Variants in RUVBL1 observed in about 807,000 individuals in gnomAD.
RUVBL1 encodes the protein ruvB-like 1.
RUVBL1 carries 4 observed loss-of-function variants against 52.4 expected under a neutral mutation model. That is an observed-to-expected ratio of 0.08 (90% CI 0.04 to 0.17). RUVBL1 has a LOEUF of 0.17. Ranked by LOEUF, RUVBL1 falls within the 10% of genes least tolerant of loss-of-function variation. RUVBL1 has a pLI of 1.00. For synonymous variants in RUVBL1, 217 were observed against 214.4 expected, an observed-to-expected ratio of 1.01 and a Z score of -0.10; for missense variants, 298 against 572.8, an observed-to-expected ratio of 0.52 and a Z score of 4.90.
At chr3:128,128,543 C>A (rs1379106768), upstream of RUVBL1, among the ~76,000 whole-genome samples, 1 of 152,250 alleles carries the variant, frequency 6.6e-6, no homozygotes, top group African/African-American at 2.4e-5. Context: ...TGAATTTGCA[C>A]CAACTAGAAG....
In RUVBL1 at chr3:128,100,724, G is replaced by A; in HGVS notation, c.624C>T (p.Thr208=). Residue 208 remains threonine (T), a synonymous_variant, in exon 6 of 11, where the codon ACC becomes ACT. Coordinates refer to ENST00000322623, the MANE Select transcript of RUVBL1 (RefSeq NM_003707.3). ...CTTCAAGGTCGAATTCTGTGGCATAGGTATCACACCTGCCCTGCCTCTGCA... is the reference window on the plus strand; with the variant it reads ...CTTCAAGGTCGAATTCTGTGGCATAAGTATCACACCTGCCCTGCCTCTGCA... The part of the protein sequence containing the change: ...GAVKRQGRCD[T]YATEFDLEAE... The A allele has an allele frequency of 3.7e-6, 6 of 1,613,592 alleles. No homozygotes were observed. The highest frequency in any genetic ancestry group is 5.1e-6 in the Non-Finnish European group (6 of 1,179,908).
At chr3:128,147,588 C>T (rs1944123988) in intron 1 of RUVBL1, among the ~76,000 whole-genome samples, 1 of 152,074 alleles carries the variant, frequency 6.6e-6, no homozygotes, top group Non-Finnish European at 1.5e-5. Flanking sequence ...AAAACAAAAA[C>T]AAGACACTCA....
At chr3:128,111,636 G>A (rs1046792496) in intron 3 of RUVBL1, among the ~76,000 whole-genome samples, 16 of 152,130 alleles carry the variant, frequency 1.1e-4, no homozygotes, top group Admixed American at 2.0e-4. Flanking sequence ...CCCAGCCGGA[G>A]GGGTCTGGTA....
intron 8 of RUVBL1, among the ~76,000 whole-genome samples, chr3:128,090,342 A>G (rs972812532): frequency 6.6e-6 from 1 of 151,744 alleles, no homozygotes; most frequent in African/African-American, 2.4e-5. Context: ...CCACGGTGAA[A>G]CCCCGTCTCT....
chr3:128,097,184 C>T, intron 8 of RUVBL1, 116 bp downstream of exon 8: 1 of 1,037,926 alleles, frequency 9.6e-7, no homozygotes, highest in South Asian at 1.5e-5. Context: ...CCCTCAAAAA[C>T]AACATGACCT....
At chr3:128,065,060 G>C in exon 10 of RUVBL1, 1 of 1,613,448 alleles carries the variant, frequency 6.2e-7, no homozygotes, top group East Asian at 2.2e-5. Context: ...CCAACCCCAG[G>C]GAGTTTCCAT....
chr3:128,145,086 GC>G (rs1253263835), intron 1 of RUVBL1, among the ~76,000 whole-genome samples: 1 of 152,184 alleles, frequency 6.6e-6, no homozygotes, highest in Non-Finnish European at 1.5e-5. Flanking sequence ...TGTCATCTGA[GC>G]CCCTGGATGA....
At chr3:128,090,258 G>A (rs940920080) in intron 8 of RUVBL1, among the ~76,000 whole-genome samples, 24 of 152,216 alleles carry the variant, frequency 1.6e-4, no homozygotes, top group African/African-American at 4.8e-4. Flanking sequence ...TCAGCCGGGC[G>A]CAGTGGCTCA....
intron 1 of RUVBL1, among the ~76,000 whole-genome samples, chr3:128,135,835 CTA>C (rs1943940105): frequency 6.6e-6 from 1 of 152,112 alleles, no homozygotes; most frequent in Non-Finnish European, 1.5e-5. Flanking sequence ...GGTGTGTAAA[CTA>C]TTCGTATCTT....
At chr3:128,086,992 T>C (rs1942662046) in intron 9 of RUVBL1, among the ~76,000 whole-genome samples, 1 of 152,260 alleles carries the variant, frequency 6.6e-6, no homozygotes, top group Admixed American at 6.5e-5. Flanking sequence ...AAGCCTCTTA[T>C]TATATGATCA....
intron 1 of RUVBL1, among the ~76,000 whole-genome samples, chr3:128,140,900 T>C (rs776272873): frequency 2.0e-4 from 30 of 152,230 alleles, no homozygotes; most frequent in Non-Finnish European, 4.4e-4. Flanking sequence ...CTCTATGATG[T>C]TCATGCAATG....
intron 1 of RUVBL1, among the ~76,000 whole-genome samples, chr3:128,151,264 A>C (rs1358336684): frequency 7.0e-6 from 1 of 142,504 alleles, no homozygotes; most frequent in East Asian, 2.0e-4. Flanking sequence ...TATAAAATCT[A>C]TATATATTCT....
At chr3:128,102,505 T>C (rs1943128511) in intron 4 of RUVBL1, among the ~76,000 whole-genome samples, 1 of 152,260 alleles carries the variant, frequency 6.6e-6, no homozygotes, top group Non-Finnish European at 1.5e-5. Context: ...TTATACAATG[T>C]AGCTATGGTG....
chr3:128,127,368 C>T (rs1417980289), upstream of RUVBL1, among the ~76,000 whole-genome samples: 3 of 152,164 alleles, frequency 2.0e-5, no homozygotes, highest in Non-Finnish European at 4.4e-5. Flanking sequence ...CAGCCCTAGA[C>T]CTGCCAGCTC....
chr3:128,151,435 A>C (rs549768015), intron 1 of RUVBL1, among the ~76,000 whole-genome samples: 225 of 151,810 alleles, frequency 1.5e-3, no homozygotes, highest in African/African-American at 5.0e-3. Context: ...GGTTTATTTG[A>C]AGCCAGGCCC....
intron 9 of RUVBL1, among the ~76,000 whole-genome samples, chr3:128,072,336 G>A (rs1469888006): frequency 1.3e-5 from 2 of 152,218 alleles, no homozygotes; most frequent in Non-Finnish European, 2.9e-5. Flanking sequence ...AGGTGGGTGG[G>A]CAACCCCAGG....
Position 128,082,758 on chromosome 3 carries a change from T to C in RUVBL1, c.1120-184A>G, listed in dbSNP as rs1942518389. 1 of 553,256 alleles carries C rather than the reference T, an allele frequency of 1.8e-6. No individual in the cohort carries two copies. The highest frequency in any genetic ancestry group is 3.3e-6 in the Non-Finnish European group (1 of 307,676). The allele number at this position is 553,256 out of a possible 1,614,324, so 34.3% of individuals were successfully genotyped here. On this transcript the variant is annotated intron_variant, in intron 9 of 10. Transcript: ENST00000322623. This position sits in a 1 kb window ranked among gnomAD's most constrained non-coding sequence, Gnocchi z 4.7. Reference sequence around the variant, plus strand: ...CCGGCCCGGCACCCTCCAGGAGGCATGTGCGGCCCTGCAGTATGCATGAAT... The same window carrying C: ...CCGGCCCGGCACCCTCCAGGAGGCACGTGCGGCCCTGCAGTATGCATGAAT...
At chr3:128,107,085 G>T (rs1943258816) in intron 3 of RUVBL1, among the ~76,000 whole-genome samples, 2 of 152,150 alleles carry the variant, frequency 1.3e-5, no homozygotes, top group Non-Finnish European at 2.9e-5. Flanking sequence ...AATAATACCA[G>T]TGGGACCCGG....
intron 9 of RUVBL1, chr3:128,065,373 T>C (rs191537712): frequency 1.2e-5 from 7 of 567,962 alleles, no homozygotes; most frequent in Admixed American, 7.0e-5. Context: ...TGCTCTCTTA[T>C]AGAAAGTTTG....
Sources: allele counts gnomAD v4.1 joint callset (sites outside exome capture counted in the v4.1 genomes callset), GRCh38; gene constraint gnomAD v4.1.1; non-coding constraint Gnocchi (gnomAD v3.1); transcripts MANE v1.5; gene names NCBI Gene and HGNC (gene_info 2026-07-23, HGNC 2026-07-21).